NAALADL2: variants seen among roughly 807,000 people sequenced by gnomAD.
The protein encoded by NAALADL2 is N-acetylated alpha-linked acidic dipeptidase like 2.
Under a neutral mutation model 87.2 loss-of-function variants are expected in NAALADL2, and 76 were observed. The observed-to-expected ratio is 0.87, with a 90% confidence interval of 0.72 to 1.05. The LOEUF (loss-of-function observed/expected upper bound fraction) is 1.05. Ranked by LOEUF, NAALADL2 falls within the 50% of genes least tolerant of loss-of-function variation. The probability of loss-of-function intolerance (pLI) is 0.00; values close to 1 mark genes in which losing one functional copy is unlikely to be tolerated. For synonymous variants in NAALADL2, 354 were observed against 331.0 expected, an observed-to-expected ratio of 1.07 and a Z score of -0.75; for missense variants, 1,089 against 945.8, an observed-to-expected ratio of 1.15 and a Z score of -1.99.
intron 2 of NAALADL2, among the ~76,000 whole-genome samples, chr3:174,653,696 G>C (rs897659865): frequency 2.6e-5 from 4 of 152,078 alleles, no homozygotes; most frequent in African/African-American, 9.7e-5. Context: ...AGAGTAGCTA[G>C]AGTTTAGGGA....
At chr3:175,018,951 A>G (rs1311144273) in intron 1 of NAALADL2, among the ~76,000 whole-genome samples, 6 of 152,022 alleles carry the variant, frequency 3.9e-5, no homozygotes, top group Non-Finnish European at 7.4e-5. Flanking sequence ...ATAGTGAAGC[A>G]TGTAACTTTT....
intron 5 of NAALADL2, among the ~76,000 whole-genome samples, chr3:175,372,169 A>G (rs1295673151): frequency 1.3e-5 from 2 of 152,168 alleles, no homozygotes; most frequent in Non-Finnish European, 2.9e-5. Context: ...GACTTTACTG[A>G]ACTGCTAGTA....
In NAALADL2 at chr3:175,234,222, C is replaced by T. The variant is rs551994803; in HGVS notation, c.819+18C>T. The T allele has an allele frequency of 4.0e-5, 65 of 1,608,228 alleles. No homozygotes were observed. The East Asian group carries it at 9.2e-4, about 23-fold the overall frequency. Reference sequence around the variant, plus strand: ...CTCTCAAGGTAATATGACCATTTGTCTCTGTCATTTACAGTGAGATGGAAT... The same window carrying T: ...CTCTCAAGGTAATATGACCATTTGTTTCTGTCATTTACAGTGAGATGGAAT... On this transcript the variant is annotated intron_variant, in intron 3 of 13. Transcript: ENST00000454872.
In NAALADL2 at chr3:175,600,574, G is replaced by T. The variant is rs370363995; in HGVS notation, c.1800+24387G>T. 3.4e-3 allele frequency among the ~76,000 whole-genome samples: 366 copies of T among 108,320 alleles called. 1 individual carries two copies. The highest frequency in any genetic ancestry group is 0.012 in the African/African-American group (346 of 27,892). The allele number at this position is 108,320 out of a possible 152,430, so 71.1% of individuals were successfully genotyped here. ...TTTTTTTGAGACGGAGTCTCGCTCT[G>T]TCGCCCAGGCTGGAGTCCAGTGGCG... On this transcript the variant is annotated intron_variant, in intron 10 of 13. Coordinates refer to ENST00000454872, the MANE Select transcript of NAALADL2 (RefSeq NM_207015.3).
intron 1 of NAALADL2, among the ~76,000 whole-genome samples, chr3:174,978,381 T>C (rs1579829080): frequency 6.6e-6 from 1 of 152,236 alleles, no homozygotes; most frequent in Admixed American, 6.5e-5. Context: ...GGCTAGCTGG[T>C]GAATCTCAAC....
intron 10 of NAALADL2, among the ~76,000 whole-genome samples, chr3:175,601,108 GA>G (rs1227464385): frequency 1.3e-5 from 2 of 151,986 alleles, no homozygotes; most frequent in Non-Finnish European, 2.9e-5. Flanking sequence ...ATAAATGAAA[GA>G]TAGCATTTTT....
At chr3:175,042,490 C>T (rs1754194647) in intron 1 of NAALADL2, among the ~76,000 whole-genome samples, 1 of 152,076 alleles carries the variant, frequency 6.6e-6, no homozygotes, top group Non-Finnish European at 1.5e-5. Context: ...TCACATGACA[C>T]TTCTGTTTTT....
intron 3 of NAALADL2, among the ~76,000 whole-genome samples, chr3:174,765,137 C>CGAG (rs775083865): frequency 4.7e-5 from 6 of 128,202 alleles, no homozygotes; most frequent in African/African-American, 1.4e-4. Context: ...CACACACACA[C>CGAG]ACACACGAGA....
intron 1 of NAALADL2, among the ~76,000 whole-genome samples, chr3:174,956,296 C>A (rs1579713893): frequency 6.6e-6 from 1 of 151,936 alleles, no homozygotes; most frequent in Admixed American, 6.6e-5. Flanking sequence ...CTAAAGTAAG[C>A]ATAATAGGTG....
At chr3:175,481,438 A>G (rs1357201924) in intron 9 of NAALADL2, among the ~76,000 whole-genome samples, 1 of 151,660 alleles carries the variant, frequency 6.6e-6, no homozygotes, top group Admixed American at 6.6e-5. Context: ...TACTGCTTCA[A>G]AATGCTGACT....
chr3:174,887,549 A>G (rs927100779), intron 1 of NAALADL2, among the ~76,000 whole-genome samples: 1 of 152,142 alleles, frequency 6.6e-6, no homozygotes. Flanking sequence ...AAACCCAGCA[A>G]TTTTGGAATC....
intron 7 of NAALADL2, 48 bp downstream of exon 7, chr3:175,463,541 C>A: frequency 2.1e-6 from 2 of 975,274 alleles, no homozygotes; most frequent in South Asian, 1.6e-5. Context: ...TGAAACTATA[C>A]AAGGAAATGC....
intron 6 of NAALADL2, among the ~76,000 whole-genome samples, chr3:175,451,828 A>G (rs1471656342): frequency 6.6e-6 from 1 of 152,048 alleles, no homozygotes; most frequent in Non-Finnish European, 1.5e-5. Context: ...TTACAATTCT[A>G]TATTTTTATG....
At chr3:175,183,887 A>G (rs1430254903) in intron 2 of NAALADL2, among the ~76,000 whole-genome samples, 1 of 152,084 alleles carries the variant, frequency 6.6e-6, no homozygotes, top group Admixed American at 6.6e-5. Context: ...AGGTCAAACA[A>G]TTATACTCTT....
chr3:174,855,832 CAT>C (rs1404808140), upstream of NAALADL2, among the ~76,000 whole-genome samples: 6 of 146,364 alleles, frequency 4.1e-5, no homozygotes, highest in African/African-American at 7.7e-5. Context: ...GTATATGTCT[CAT>C]ATATATGAAA....
chr3:175,001,946 T>G (rs1169174887), intron 1 of NAALADL2, among the ~76,000 whole-genome samples: 3 of 152,096 alleles, frequency 2.0e-5, no homozygotes, highest in African/African-American at 7.2e-5. Context: ...AACAATAGAC[T>G]CTTCCAGTCT....
intron 10 of NAALADL2, among the ~76,000 whole-genome samples, chr3:175,607,300 A>AT: frequency 6.6e-6 from 1 of 152,152 alleles, no homozygotes; most frequent in Non-Finnish European, 1.5e-5. Flanking sequence ...ATTTTATTGT[A>AT]TTTTTCTCAG....
At chr3:174,703,684 C>T (rs1222001009) in intron 2 of NAALADL2, among the ~76,000 whole-genome samples, 4 of 151,984 alleles carry the variant, frequency 2.6e-5, no homozygotes, top group African/African-American at 9.7e-5. Context: ...TTAGCTACAC[C>T]AGATTATCAT....
intron 1 of NAALADL2, among the ~76,000 whole-genome samples, chr3:174,546,299 C>G (rs1421637967): frequency 6.6e-6 from 1 of 152,118 alleles, no homozygotes; most frequent in Non-Finnish European, 1.5e-5. Flanking sequence ...TAACTTTGCA[C>G]TTGGTATTCC....
Sources: gnomAD v4.1 joint callset for allele counts (sites outside exome capture counted in the v4.1 genomes callset) on GRCh38, gnomAD v4.1.1 for gene constraint, MANE v1.5 for transcripts, NCBI Gene and HGNC (gene_info 2026-07-23, HGNC 2026-07-21) for gene names.